ZBTB16: variants seen among roughly 807,000 people sequenced by gnomAD.
ZBTB16 encodes zinc finger and BTB domain containing 16.
ZBTB16 carries 8 observed loss-of-function variants against 56.8 expected under a neutral mutation model. The observed-to-expected ratio is 0.14, with a 90% CI of 0.08 to 0.25. ZBTB16 has a LOEUF of 0.25. Among genes scored for constraint, ZBTB16 ranks in the 10% least tolerant of loss-of-function variants. The pLI is 1.00. For synonymous variants in ZBTB16, 363 were observed against 368.5 expected (o/e 0.98, Z 0.17); for missense variants, 625 against 903.0 (o/e 0.69, Z 3.95).
rs1293333955 is a variant in ZBTB16 at position 114,064,934 on chromosome 11, C to T, written c.1268+366C>T. 6.6e-6 allele frequency among the ~76,000 whole-genome samples: 1 copy of T among 152,122 alleles called. No homozygotes were observed. The highest frequency in any genetic ancestry group is 1.5e-5 in the Non-Finnish European group (1 of 68,028). ...GAGAAAAGGAGTGGGATGAGGGTCT[C>T]TTGGGCCCTGCATCTGACCATGTTA... On this transcript the variant is annotated intron_variant, in intron 2 of 6. Coordinates refer to ENST00000335953, the MANE Select transcript of ZBTB16 (RefSeq NM_006006.6). The surrounding 1 kb of genome is among the most constrained non-coding windows in gnomAD (Gnocchi z 4.2).
intron 4 of ZBTB16, among the ~76,000 whole-genome samples, chr11:114,195,704 A>G (rs1199126335): frequency 1.3e-5 from 2 of 152,138 alleles, no homozygotes; most frequent in Admixed American, 1.3e-4. Context: ...AGATTGGATA[A>G]TCTCAATATA....
intron 3 of ZBTB16, among the ~76,000 whole-genome samples, chr11:114,181,625 G>A (rs1217459241): frequency 2.0e-5 from 3 of 152,170 alleles, no homozygotes; most frequent in Non-Finnish European, 2.9e-5. Context: ...TACAGATTGG[G>A]AAATCAGTTC....
chr11:114,082,763 G>A (rs1382871276), intron 2 of ZBTB16, among the ~76,000 whole-genome samples: 2 of 151,894 alleles, frequency 1.3e-5, no homozygotes, highest in Admixed American at 1.3e-4. Context: ...AGAGGGGCCT[G>A]GGGAGAGGGG....
intron 4 of ZBTB16, among the ~76,000 whole-genome samples, chr11:114,206,501 C>T (rs970373862): frequency 6.6e-6 from 1 of 152,194 alleles, no homozygotes; most frequent in Non-Finnish European, 1.5e-5. Context: ...CCAGGCAGCC[C>T]TCCTTGGCCG....
At chr11:114,232,549 C>T (rs536714939) in intron 4 of ZBTB16, among the ~76,000 whole-genome samples, 133 of 152,158 alleles carry the variant, frequency 8.7e-4, no homozygotes, top group African/African-American at 3.0e-3. Flanking sequence ...TCTGCCAGAA[C>T]GGGCAGTCCC....
chr11:114,134,336 G>T lies in ZBTB16; in HGVS notation c.1269-22001G>T, dbSNP rs114413501. ...AGCTGTATTTTCACATGACAGCTTC[G>T]TACTGGGCCTTTTCTTTCTTTCTTT... On this transcript the variant is annotated intron_variant, in intron 2 of 6. Transcript: ENST00000335953. 6.4e-3 allele frequency among the ~76,000 whole-genome samples: 974 copies of T among 152,046 alleles called. 5 individuals are homozygous for T. Among genetic ancestry groups the T allele is most frequent in the African/African-American group, 0.021 (887 of 41,518 alleles).
At chr11:114,196,383 C>T (rs887746992) in intron 4 of ZBTB16, among the ~76,000 whole-genome samples, 2 of 57,256 alleles carry the variant, frequency 3.5e-5, no homozygotes, top group East Asian at 5.1e-4. Context: ...CCTACCTTTT[C>T]GCCAGTAAGA....
At position 114,250,394 on chromosome 11, in the gene ZBTB16, C is replaced by G; in HGVS notation, c.1861C>G (p.Leu621Val). ...SRDYSAMIKHLRTHNGASPYQ... is the reference protein window; with the variant it reads ...SRDYSAMIKHVRTHNGASPYQ... ...GGACTACTCGGCCATGATCAAGCAC[C>G]TGAGAACGCACAACGGCGCCTCGCC... is the stretch of plus-strand genomic sequence containing the variant. Residue 621 changes from leucine (L) to valine (V), a missense_variant, in exon 7 of 7, where the codon CTG becomes GTG. Leu to Val is a conservative substitution (Grantham distance 32). This residue lies in a region of ZBTB16 where 40 missense variants were observed against 93.2 expected (regional missense o/e 0.43). Transcript: ENST00000335953. This position sits in a 1 kb window ranked among gnomAD's most constrained non-coding sequence, Gnocchi z 6.0. 6.2e-7 allele frequency: 1 copy of G among 1,614,130 alleles called. No individual in the cohort carries two copies. Among genetic ancestry groups the G allele is most frequent in the Non-Finnish European group, 8.5e-7 (1 of 1,180,048 alleles).
In ZBTB16 at chr11:114,256,035, G is replaced by T. The variant is rs2511235; in HGVS notation, c.*5480G>T. On this transcript the variant is annotated 3_prime_UTR_variant, in exon 7 of 7. Coordinates refer to ENST00000335953, the MANE Select transcript of ZBTB16 (RefSeq NM_006006.6). ...TGGTTTTGTTTTGTTTTTTTTTTTTGTTTTTTTTGCCTTTTCTTGTGTGGG... is the reference window on the plus strand; with the variant it reads ...TGGTTTTGTTTTGTTTTTTTTTTTTTTTTTTTTTGCCTTTTCTTGTGTGGG... Among the ~76,000 whole-genome samples, 3,771 of 140,028 alleles carry T rather than the reference G, an allele frequency of 0.027. 164 individuals are homozygous for T. Among genetic ancestry groups the T allele is most frequent in the African/African-American group, 0.089 (3,354 of 37,524 alleles). 91.9% of individuals were successfully genotyped at this position (140,028 alleles called of 152,430 possible).
chr11:114,205,563 C>T (rs1265940600), intron 4 of ZBTB16, among the ~76,000 whole-genome samples: 2 of 152,176 alleles, frequency 1.3e-5, no homozygotes, highest in Non-Finnish European at 2.9e-5. Flanking sequence ...TGTGCATTGT[C>T]AGATGGGACG....
chr11:114,112,540 A>T (rs1186621327), intron 2 of ZBTB16, among the ~76,000 whole-genome samples: 1 of 152,186 alleles, frequency 6.6e-6, no homozygotes, highest in Admixed American at 6.5e-5. Context: ...CCTGTAAAAA[A>T]GTTGGCTGTC....
intron 3 of ZBTB16, among the ~76,000 whole-genome samples, chr11:114,184,598 A>G (rs1236630138): frequency 6.6e-6 from 1 of 152,130 alleles, no homozygotes; most frequent in Non-Finnish European, 1.5e-5. Flanking sequence ...ATTCACCTTT[A>G]CTATGTCAAC....
intron 4 of ZBTB16, among the ~76,000 whole-genome samples, chr11:114,198,045 C>T (rs762742108): frequency 2.0e-5 from 3 of 151,162 alleles, no homozygotes; most frequent in Non-Finnish European, 2.9e-5. Flanking sequence ...AAAATCCAAA[C>T]GAACCTCAAA....
intron 4 of ZBTB16, among the ~76,000 whole-genome samples, chr11:114,192,412 G>A (rs889402319): frequency 6.6e-6 from 1 of 152,206 alleles, no homozygotes; most frequent in Non-Finnish European, 1.5e-5. Flanking sequence ...GAAACCTATA[G>A]GGAAGGAGGA....
rs1327434836 is a variant in ZBTB16 at position 114,189,446 on chromosome 11, A to T, written c.1453+2408A>T. On this transcript the variant is annotated intron_variant, in intron 4 of 6. Transcript: ENST00000335953. ...CAGATAGTTACAAGTGTTATCAAAG[A>T]TGTGGAAAAACCAGAACTCTCATGG... 4 of 152,318 alleles carry T rather than the reference A, an allele frequency of 2.6e-5. No homozygotes were observed. The East Asian group carries it at 7.7e-4, about 29-fold the overall frequency. 9.4% of individuals were successfully genotyped at this position (152,318 alleles called of 1,614,324 possible). A position where few individuals can be genotyped will look rare whatever the true frequency, so the allele number is the denominator to read the frequency against.
intron 4 of ZBTB16, among the ~76,000 whole-genome samples, chr11:114,203,464 G>T (rs2135109910): frequency 6.6e-6 from 1 of 152,170 alleles, no homozygotes; most frequent in East Asian, 1.9e-4. Context: ...GAGGCAGAAG[G>T]ATCACTTGAG....
At chr11:114,193,348 C>A (rs1256382809) in intron 4 of ZBTB16, among the ~76,000 whole-genome samples, 2 of 152,128 alleles carry the variant, frequency 1.3e-5, no homozygotes, top group Non-Finnish European at 2.9e-5. Flanking sequence ...TCCCTGCCAG[C>A]CTTAGTGTGA....
chr11:114,209,957 G>T (rs1943961741), intron 4 of ZBTB16: 1 of 985,228 alleles, frequency 1.0e-6, no homozygotes, highest in East Asian at 1.1e-4. Context: ...TCTAGCCCTG[G>T]TGCTGCTACT....
At chr11:114,165,987 GATGGACCCTGAGTTCC>G (rs1942742036) in intron 3 of ZBTB16, among the ~76,000 whole-genome samples, 4 of 152,152 alleles carry the variant, frequency 2.6e-5, no homozygotes, top group Admixed American at 2.0e-4. Flanking sequence ...GCTTGGTAGG[GATGGACCCTGAGTTCC>G]AGCTCACCCA....
Sources: gnomAD v4.1 joint callset for allele counts (sites outside exome capture counted in the v4.1 genomes callset) on GRCh38, gnomAD v4.1.1 for gene constraint, gnomAD v4.1.1 regional missense constraint, Gnocchi (gnomAD v3.1) non-coding constraint, MANE v1.5 for transcripts, NCBI Gene and HGNC (gene_info 2026-07-23, HGNC 2026-07-21) for gene names.